Variants in MITF observed in about 807,000 individuals in gnomAD.
MITF encodes melanocyte inducing transcription factor, also known as microphthalmia-associated transcription factor.
MITF carries 17 observed loss-of-function variants against 60.5 expected under a neutral mutation model. The ratio of observed to expected loss-of-function variants is 0.28; its 90% confidence interval spans 0.19 to 0.42. MITF has a LOEUF of 0.42. Among genes scored for constraint, MITF ranks in the 10% least tolerant of loss-of-function variants. The pLI, the probability that MITF is intolerant of heterozygous loss-of-function variation, is 1.00. For missense variants in MITF, 622 were observed against 683.5 expected, an observed-to-expected ratio of 0.91 and a Z score of 1.00; for synonymous variants, 260 against 248.5, an observed-to-expected ratio of 1.05 and a Z score of -0.43.
chr3:69,834,780 C>T (rs754091446), intron 1 of MITF, among the ~76,000 whole-genome samples: 2 of 151,148 alleles, frequency 1.3e-5, no homozygotes, highest in Non-Finnish European at 2.9e-5. Flanking sequence ...TACTAATTTA[C>T]AATCTCTCTA....
chr3:69,812,178 A>ATT (rs2063111299), intron 1 of MITF, among the ~76,000 whole-genome samples: 1 of 152,220 alleles, frequency 6.6e-6, no homozygotes, highest in Non-Finnish European at 1.5e-5. Flanking sequence ...GAAAGAATGA[A>ATT]GACAGTAAGT....
intron 1 of MITF, among the ~76,000 whole-genome samples, chr3:69,749,969 T>C (rs1201290383): frequency 6.6e-6 from 1 of 152,232 alleles, no homozygotes; most frequent in Non-Finnish European, 1.5e-5. Flanking sequence ...CTTTAAATTG[T>C]TGATTCAGCA....
At chr3:69,815,585 C>G (rs565978461) in intron 1 of MITF, among the ~76,000 whole-genome samples, 1 of 152,150 alleles carries the variant, frequency 6.6e-6, no homozygotes. Context: ...ATGTAATATA[C>G]AAAATATGTG....
chr3:69,949,014 C>T (rs958494650), intron 5 of MITF, 37 bp from the exon 6 acceptor site: 1 of 1,414,532 alleles, frequency 7.1e-7, no homozygotes, highest in Non-Finnish European at 1.0e-6. Flanking sequence ...GGGAATTGTT[C>T]AACAGTTAAT....
At position 69,844,983 on chromosome 3, in the gene MITF, A is replaced by G. The variant is rs181363127; in HGVS notation, c.105-34151A>G. 3.3e-5 allele frequency among the ~76,000 whole-genome samples: 5 copies of G among 152,238 alleles called. No homozygotes were observed. The East Asian group carries it at 7.7e-4, about 23-fold the overall frequency. ...CTTCAGTTTTACTTTTTTTAATTTT[A>G]CCTGCCTGGGCCCTGTAGATGTTTA... On this transcript the variant is annotated intron_variant, in intron 1 of 9. Transcript: ENST00000352241.
intron 1 of MITF, among the ~76,000 whole-genome samples, chr3:69,746,860 C>T (rs1018215182): frequency 4.6e-5 from 7 of 152,184 alleles, no homozygotes; most frequent in South Asian, 2.1e-4. Context: ...CTGCACCTCC[C>T]GTTCTATTGC....
chr3:69,934,406 T>C (rs1259952686), intron 2 of MITF, among the ~76,000 whole-genome samples: 6 of 152,354 alleles, frequency 3.9e-5, no homozygotes, highest in Non-Finnish European at 5.9e-5. Flanking sequence ...TATTGATAGA[T>C]ATAATCCATG....
intron 1 of MITF, among the ~76,000 whole-genome samples, chr3:69,842,033 A>G (rs9849488): frequency 0.5 from 75,866 of 152,072 alleles, 20,571 homozygotes; most frequent in Non-Finnish European, 0.63. Flanking sequence ...CCGTTGATGA[A>G]TTAATAGTAA....
At chr3:69,864,240 A>G (rs1341719812) in intron 1 of MITF, among the ~76,000 whole-genome samples, 2 of 152,172 alleles carry the variant, frequency 1.3e-5, no homozygotes, top group East Asian at 3.9e-4. Context: ...TGAGATTTGA[A>G]CCTGGATAAA....
At chr3:69,827,056 A>G (rs1042881709) in intron 1 of MITF, among the ~76,000 whole-genome samples, 1 of 152,162 alleles carries the variant, frequency 6.6e-6, no homozygotes, top group Non-Finnish European at 1.5e-5. Context: ...CTGTTGTATT[A>G]GCCTACATCC....
chr3:69,810,468 G>A (rs755708497), intron 1 of MITF, among the ~76,000 whole-genome samples: 8 of 152,022 alleles, frequency 5.3e-5, no homozygotes, highest in African/African-American at 1.4e-4. Context: ...ATTTGATGGC[G>A]GTGTGCTCAG....
intron 1 of MITF, among the ~76,000 whole-genome samples, chr3:69,788,412 A>G (rs893466878): frequency 1.3e-5 from 2 of 151,372 alleles, no homozygotes; most frequent in Admixed American, 6.6e-5. Context: ...TGTGATAACC[A>G]CTATTTTCTC....
chr3:69,907,397 G>A (rs1019659779), intron 2 of MITF, among the ~76,000 whole-genome samples: 1 of 152,120 alleles, frequency 6.6e-6, no homozygotes, highest in Non-Finnish European at 1.5e-5. Flanking sequence ...GGATATCTAT[G>A]TACCAGGCAT....
At chr3:69,895,915 T>C (rs2064866871) in intron 2 of MITF, among the ~76,000 whole-genome samples, 1 of 151,768 alleles carries the variant, frequency 6.6e-6, no homozygotes, top group Non-Finnish European at 1.5e-5. Flanking sequence ...CAACTTTTCC[T>C]CTTTTCCATC....
At position 69,829,952 on chromosome 3, in the gene MITF, C is replaced by T. The variant is rs114785996; in HGVS notation, c.105-49182C>T. Among the ~76,000 whole-genome samples, 1,395 of 152,228 alleles carry T rather than the reference C, an allele frequency of 9.2e-3. 18 individuals carry two copies. Among genetic ancestry groups the T allele is most frequent in the African/African-American group, 0.031 (1,304 of 41,540 alleles). The stretch of plus-strand genomic sequence containing the variant: ...GGAGGAACCTTAGAATTCACTGCCA[C>T]GTATCACTGTTTCCTCTAGGGATAT... On this transcript the variant is annotated intron_variant, in intron 1 of 9. Coordinates refer to ENST00000352241, the MANE Select transcript of MITF (RefSeq NM_001354604.2).
At chr3:69,860,945 AAG>A (rs1327151772) in intron 1 of MITF, among the ~76,000 whole-genome samples, 2 of 152,212 alleles carry the variant, frequency 1.3e-5, no homozygotes, top group African/African-American at 4.8e-5. Context: ...AACAGGATGA[AAG>A]AGATAAACGT....
intron 1 of MITF, among the ~76,000 whole-genome samples, chr3:69,833,356 G>T (rs1206577110): frequency 6.6e-6 from 1 of 152,090 alleles, no homozygotes; most frequent in African/African-American, 2.4e-5. Flanking sequence ...GTATGTAGTT[G>T]TTTTTCTATT....
chr3:69,923,133 G>A (rs9820221), intron 2 of MITF, among the ~76,000 whole-genome samples: 4 of 152,106 alleles, frequency 2.6e-5, no homozygotes, highest in African/African-American at 4.8e-5. Flanking sequence ...AGTTTCAAAA[G>A]CAGAAATAAT....
chr3:69,880,189 C>T (rs1171036945), intron 2 of MITF, among the ~76,000 whole-genome samples: 2 of 152,108 alleles, frequency 1.3e-5, no homozygotes, highest in Admixed American at 6.5e-5. Context: ...TCTGAAAAGT[C>T]TCAAGTGTTA....
Sources: gnomAD v4.1 joint callset for allele counts (sites outside exome capture counted in the v4.1 genomes callset) on GRCh38, gnomAD v4.1.1 for gene constraint, MANE v1.5 for transcripts, NCBI Gene and HGNC (gene_info 2026-07-23, HGNC 2026-07-21) for gene names.